The following DHX36 variants were observed in gnomAD, a reference collection of about 807,000 sequenced individuals.
The protein encoded by DHX36 is ATP-dependent DNA/RNA helicase DHX36.
Under a neutral mutation model 139.0 loss-of-function variants are expected in DHX36, and 50 were observed. The ratio of observed to expected loss-of-function variants is 0.36; its 90% CI spans 0.29 to 0.46. The LOEUF is 0.46. Among genes scored for constraint, DHX36 ranks in the 20% least tolerant of loss-of-function variants. The pLI is 1.00. For missense variants in DHX36, 1,024 were observed against 1,211.3 expected (o/e 0.85, Z 2.29); for synonymous variants, 425 against 401.9 (o/e 1.06, Z -0.69).
At chr3:154,312,471 A>C (rs1317079015) in intron 3 of DHX36, among the ~76,000 whole-genome samples, 1 of 152,164 alleles carries the variant, frequency 6.6e-6, no homozygotes, top group Non-Finnish European at 1.5e-5. Flanking sequence ...TTTACATTCA[A>C]CTAGGTACAT....
rs558499806 is a variant in DHX36, at chr3:154,273,974, G to A, written c.*2197C>T. The A allele has an allele frequency of 6.6e-6, 1 of 152,294 alleles. No homozygotes were observed. The highest frequency in any genetic ancestry group is 2.4e-5 in the African/African-American group (1 of 41,554). 9.4% of individuals were successfully genotyped at this position (152,294 alleles called of 1,614,324 possible). A position where few individuals can be genotyped will look rare whatever the true frequency, so the allele number is the denominator to read the frequency against. On this transcript the variant is annotated 3_prime_UTR_variant, in exon 25 of 25. Coordinates refer to ENST00000496811, the MANE Select transcript of DHX36 (RefSeq NM_020865.3). ...AGTATAATACTCAGTGATGGATAGT[G>A]TATGTTTCTGATTAATACCCTTTTT...
At chr3:154,300,925 A>G (rs1215086832) in intron 10 of DHX36, 62 bp downstream of exon 10, 2 of 1,592,216 alleles carry the variant, frequency 1.3e-6, no homozygotes, top group Non-Finnish European at 1.7e-6. Flanking sequence ...AGATGCCCCC[A>G]GCCTCTGGCT....
intron 3 of DHX36, 50 bp from the exon 4 acceptor site, chr3:154,311,724 T>C (rs1455666609): frequency 1.4e-6 from 2 of 1,453,698 alleles, no homozygotes; most frequent in African/African-American, 1.4e-5. Context: ...TGTAATCAAA[T>C]TATAATCATG....
intron 1 of DHX36, among the ~76,000 whole-genome samples, chr3:154,317,500 C>A (rs1713031333): frequency 6.6e-6 from 1 of 151,740 alleles, no homozygotes; most frequent in Admixed American, 6.6e-5. Context: ...TTCACGGGGC[C>A]AAGGCAAGAA....
chr3:154,290,270 A>G (rs113641584), intron 15 of DHX36, among the ~76,000 whole-genome samples: 258 of 152,286 alleles, frequency 1.7e-3, no homozygotes, highest in African/African-American at 5.9e-3. Context: ...GAGTTTTCAG[A>G]GGGATATTAA....
At chr3:154,316,258 T>C (rs1317251098) in intron 1 of DHX36, 95 bp from the exon 2 acceptor site, 1 of 1,485,752 alleles carries the variant, frequency 6.7e-7, no homozygotes, top group Non-Finnish European at 9.2e-7. Context: ...AAGTAATATA[T>C]GTTCAACAAA....
intron 4 of DHX36, among the ~76,000 whole-genome samples, chr3:154,310,955 C>T (rs1191145073): frequency 6.8e-6 from 1 of 147,746 alleles, no homozygotes; most frequent in East Asian, 2.0e-4. Context: ...GAAATTATAG[C>T]TGGTAAATAC....
At chr3:154,311,707 G>A in intron 3 of DHX36, 33 bp from the exon 4 acceptor site, 2 of 1,535,522 alleles carry the variant, frequency 1.3e-6, no homozygotes, top group Non-Finnish European at 1.8e-6. Context: ...AATTTTCACA[G>A]AAGATATGTA....
intron 8 of DHX36, 55 bp downstream of exon 8, chr3:154,304,747 ATTTT>A (rs561970055): frequency 1.5e-6 from 2 of 1,322,824 alleles, no homozygotes; most frequent in Non-Finnish European, 1.0e-6. Flanking sequence ...TACCATATTA[ATTTT>A]TTTAATTGTT....
intron 13 of DHX36, among the ~76,000 whole-genome samples, 192 bp downstream of exon 13, chr3:154,295,092 C>T (rs355763): frequency 0.69 from 105,418 of 151,942 alleles, 37,147 homozygotes; most frequent in South Asian, 0.77. Flanking sequence ...GTGGGTTATC[C>T]GCTGATATTC....
chr3:154,306,959 T>C (rs1369130608), intron 5 of DHX36, among the ~76,000 whole-genome samples: 1 of 151,980 alleles, frequency 6.6e-6, no homozygotes, highest in Non-Finnish European at 1.5e-5. Flanking sequence ...CAACAGATGG[T>C]GGAAAAAAGA....
chr3:154,309,594 AGGTTC>A, intron 5 of DHX36, 54 bp downstream of exon 5: 20 of 1,411,342 alleles, frequency 1.4e-5, no homozygotes, highest in Non-Finnish European at 1.7e-5. Flanking sequence ...CAGAATCAGT[AGGTTC>A]TAGCAAGATT....
chr3:154,306,386 GTTC>G, intron 5 of DHX36, 91 bp from the exon 6 acceptor site: 1 of 1,066,452 alleles, frequency 9.4e-7, no homozygotes, highest in Admixed American at 2.0e-5. Context: ...TTGAAAAATT[GTTC>G]TTCAGATTTC....
At chr3:154,291,052 G>A (rs1256498770) in intron 15 of DHX36, among the ~76,000 whole-genome samples, 2 of 139,080 alleles carry the variant, frequency 1.4e-5, no homozygotes, top group Non-Finnish European at 3.1e-5. Flanking sequence ...GGAGAATGGC[G>A]TGAACCCGGG....
rs1189735317 is a variant in DHX36 at position 154,310,825 on chromosome 3, A to ATG, written c.642+810_642+811insCA. ...AAAAAAAATATATATATATATATAT[A>ATG]TATATATATATATATATATATATAT... On this transcript the variant is annotated intron_variant, in intron 4 of 24. Coordinates refer to ENST00000496811, the MANE Select transcript of DHX36 (RefSeq NM_020865.3). 2.0e-3 allele frequency among the ~76,000 whole-genome samples: 56 copies of ATG among 28,636 alleles called. 1 individual carries two copies. Among genetic ancestry groups the ATG allele is most frequent in the African/African-American group, 1.0e-2 (55 of 5,504 alleles). The allele number at this position is 28,636 out of a possible 152,430, so 18.8% of individuals were successfully genotyped here. A position where few individuals can be genotyped will look rare whatever the true frequency, so the allele number is the denominator to read the frequency against.
rs1712928441 is a variant in DHX36 at position 154,315,247 on chromosome 3, T to C, written c.402A>G (p.Pro134=). The change falls in exon 3 of 25, where the codon CCA becomes CCG. Residue 134 remains proline, a synonymous_variant. Coordinates refer to ENST00000496811, the MANE Select transcript of DHX36 (RefSeq NM_020865.3). ...GGATGTCAAGTTTGTTCTCTGAGCA[T>C]GGTGTGTTCTTAGTAGAAACTTCAG... ...YGTEVSTKNT[P]CSENKLDIQE... 1 of 1,613,310 alleles carries C rather than the reference T, an allele frequency of 6.2e-7. No homozygotes were observed. The highest frequency in any genetic ancestry group is 1.7e-5 in the Admixed American group (1 of 59,948).
intron 13 of DHX36, among the ~76,000 whole-genome samples, chr3:154,295,009 G>GA (rs1474726539): frequency 6.6e-6 from 1 of 152,052 alleles, no homozygotes; most frequent in African/African-American, 2.4e-5. Flanking sequence ...TCTTACTCAG[G>GA]AAACTCAACG....
In DHX36 at chr3:154,315,162, T is replaced by C. The variant is rs1015561990; in HGVS notation, c.487A>G (p.Ile163Val). 1 of 1,613,442 alleles carries C rather than the reference T, an allele frequency of 6.2e-7. No homozygotes were observed. Among genetic ancestry groups the C allele is most frequent in the Non-Finnish European group, 8.5e-7 (1 of 1,179,648 alleles). ...KMFRIRNRSY[I>V]DRDSEYLLQE... The stretch of plus-strand genomic sequence containing the variant: ...AAGAGATACTCAGAATCTCGGTCAA[T>C]ATATGATCTGTTCCTGATTCTAAAC... The change falls in exon 3 of 25, where the codon ATT becomes GTT. Residue 163 changes from isoleucine to valine, a missense_variant. Ile to Val is a conservative substitution (Grantham distance 29, BLOSUM62 3). Coordinates refer to ENST00000496811, the MANE Select transcript of DHX36 (RefSeq NM_020865.3).
intron 17 of DHX36, among the ~76,000 whole-genome samples, chr3:154,286,271 A>G (rs548008252): frequency 6.6e-6 from 1 of 151,112 alleles, no homozygotes; most frequent in South Asian, 2.1e-4. Flanking sequence ...GCACACTATC[A>G]TATCACTTCT....
Sources: allele counts gnomAD v4.1 joint callset (sites outside exome capture counted in the v4.1 genomes callset), GRCh38; gene constraint gnomAD v4.1.1; transcripts MANE v1.5; gene names NCBI Gene and HGNC (gene_info 2026-07-23, HGNC 2026-07-21).